The following ZNF680 variants were observed in gnomAD, a reference collection of about 807,000 sequenced individuals.
ZNF680 encodes the protein zinc finger protein 680.
Under a neutral mutation model 12.1 loss-of-function variants are expected in ZNF680, and 6 were observed. The ratio of observed to expected loss-of-function variants is 0.49; its 90% CI spans 0.27 to 0.98. The LOEUF (loss-of-function observed/expected upper bound fraction) is 0.98, where lower values mean the gene tolerates loss of function less well. Among genes scored for constraint, ZNF680 ranks in the 50% least tolerant of loss-of-function variants. ZNF680 has a pLI of 0.12. For synonymous variants in ZNF680, 170 were observed against 199.3 expected, an observed-to-expected ratio of 0.85 and a Z score of 1.24; for missense variants, 561 against 616.3, an observed-to-expected ratio of 0.91 and a Z score of 0.95.
chr7:64,518,634 T>G (rs942017734), downstream of ZNF680, among the ~76,000 whole-genome samples: 1 of 151,766 alleles, frequency 6.6e-6, no homozygotes, highest in East Asian at 1.9e-4. Flanking sequence ...GGTACTGATA[T>G]AAAAATAGGC....
chr7:64,527,433 C>G (rs144898825), intron 3 of ZNF680, among the ~76,000 whole-genome samples: 2 of 152,088 alleles, frequency 1.3e-5, no homozygotes, highest in Admixed American at 6.6e-5. Context: ...CAGTGGCTCA[C>G]GCCTGTAATC....
Position 64,521,465 on chromosome 7 carries a change from CTA to C in ZNF680, c.1287_1288del (p.Asn432TyrfsTer5), listed in dbSNP as rs1248699435. Reference sequence around the variant, plus strand: ...TTCTTCACATTTGTAGGTATTCTCTCTAGTGTGAATTCTCTTATGTCGAGTAA... The same window carrying C: ...TTCTTCACATTTGTAGGTATTCTCTCGTGTGAATTCTCTTATGTCGAGTAA... On this transcript the variant is annotated frameshift_variant, in exon 4 of 4. Coordinates refer to ENST00000309683, the MANE Select transcript of ZNF680 (RefSeq NM_178558.5). LOFTEE classifies it low-confidence loss of function (END_TRUNC). 3 of 1,613,448 alleles carry C rather than the reference CTA, an allele frequency of 1.9e-6. No homozygotes were observed. Among genetic ancestry groups the C allele is most frequent in the Non-Finnish European group, 1.7e-6 (2 of 1,179,708 alleles).
At chr7:64,550,347 G>T (rs1787009984) in intron 1 of ZNF680, among the ~76,000 whole-genome samples, 1 of 152,140 alleles carries the variant, frequency 6.6e-6, no homozygotes, top group South Asian at 2.1e-4. Flanking sequence ...AAAGAAGGAA[G>T]AAAGACATAA....
intron 3 of ZNF680, 134 bp from the exon 4 acceptor site, chr7:64,522,634 TA>T (rs34852861): frequency 0.17 from 82,610 of 488,838 alleles, 861 homozygotes; most frequent in East Asian, 0.42. Flanking sequence ...TCCTAAAAGT[TA>T]AAAAAAAAAA....
Position 64,521,970 on chromosome 7 carries a change from C to CAATATG in ZNF680, c.778_783dup (p.His260_Ile261dup), listed in dbSNP as rs1562734718. The CAATATG allele has an allele frequency of 2.5e-6, 4 of 1,612,342 alleles. No homozygotes were observed. In the Admixed American group the frequency reaches 6.7e-5, roughly 27 times the overall value. On this transcript the variant is annotated inframe_insertion, in exon 4 of 4. Transcript: ENST00000309683. ...TCTTCACATTTGAAGGGTTTCTCTT[C>CAATATG]AATATGAATTTTCTTATGTTTAATA... is the stretch of plus-strand genomic sequence containing the variant.
intron 3 of ZNF680, among the ~76,000 whole-genome samples, chr7:64,543,415 A>G (rs1786611113): frequency 6.6e-6 from 1 of 152,208 alleles, no homozygotes; most frequent in Non-Finnish European, 1.5e-5. Context: ...GTGTGTCCCT[A>G]AAACAATGGA....
intron 3 of ZNF680, among the ~76,000 whole-genome samples, chr7:64,527,552 G>A (rs904039564): frequency 1.5e-4 from 23 of 152,056 alleles, no homozygotes; most frequent in African/African-American, 4.8e-4. Flanking sequence ...AAAATTAGCC[G>A]GGCATGGTGG....
chr7:64,552,795 C>T (rs897790495), intron 1 of ZNF680, among the ~76,000 whole-genome samples: 1 of 152,010 alleles, frequency 6.6e-6, no homozygotes, highest in Non-Finnish European at 1.5e-5. Flanking sequence ...ATGTCGTGGC[C>T]TTATATTTAT....
At chr7:64,507,757 A>C in the ZNF680 span, among the ~76,000 whole-genome samples, 1 of 151,858 alleles carries the variant, frequency 6.6e-6, no homozygotes, top group Non-Finnish European at 1.5e-5. Context: ...CTTAGAAAAA[A>C]GAGAGAAATA....
the ZNF680 span, among the ~76,000 whole-genome samples, chr7:64,500,632 TGGA>T: frequency 1.3e-5 from 2 of 151,642 alleles, no homozygotes; most frequent in Non-Finnish European, 2.9e-5. Context: ...GGGCTGGGAG[TGGA>T]GGAGATGTTG....
intron 1 of ZNF680, among the ~76,000 whole-genome samples, chr7:64,559,723 C>T (rs1445133482): frequency 1.3e-5 from 2 of 152,144 alleles, no homozygotes; most frequent in Admixed American, 1.3e-4. Context: ...CTCAAGTGAT[C>T]CACCCACCTT....
At chr7:64,541,635 C>T (rs1192659485) in intron 3 of ZNF680, among the ~76,000 whole-genome samples, 5 of 150,076 alleles carry the variant, frequency 3.3e-5, no homozygotes, top group African/African-American at 9.8e-5. Context: ...GAAGGCAGGC[C>T]CTCATTCAGG....
intron 3 of ZNF680, among the ~76,000 whole-genome samples, chr7:64,524,150 T>C (rs1176998388): frequency 6.7e-6 from 1 of 150,282 alleles, no homozygotes; most frequent in East Asian, 2.0e-4. Context: ...AAGAAGAATT[T>C]TTTTTTTTTT....
chr7:64,521,502 A>G lies in ZNF680; in HGVS notation c.1252T>C (p.Cys418Arg), dbSNP rs1308175708. 1 of 1,613,312 alleles carries G rather than the reference A, an allele frequency of 6.2e-7. No individual in the cohort carries two copies. The highest frequency in any genetic ancestry group is 8.5e-7 in the Non-Finnish European group (1 of 1,179,716). The change falls in exon 4 of 4, where the codon TGC becomes CGC. Residue 418 changes from cysteine (C) to arginine (R), a missense_variant. Transcript: ENST00000309683. The stretch of plus-strand genomic sequence containing the variant: ...CTCTTATGTCGAGTAAGGCTGGAGC[A>G]CCCATTAAAAGCTTTGCCACATTCT... ...CEECGKAFNG[C>R]SSLTRHKRIH...
intron 1 of ZNF680, among the ~76,000 whole-genome samples, chr7:64,553,752 G>C (rs1024383070): frequency 6.6e-6 from 1 of 151,788 alleles, no homozygotes; most frequent in African/African-American, 2.4e-5. Context: ...CGCCAGACTG[G>C]TTTTCGCATT....
At chr7:64,537,738 T>A (rs891160906) in intron 3 of ZNF680, among the ~76,000 whole-genome samples, 4 of 151,636 alleles carry the variant, frequency 2.6e-5, no homozygotes, top group African/African-American at 9.7e-5. Context: ...CCATCCTGGC[T>A]AACACAGTGA....
At chr7:64,537,745 G>A (rs1166047621) in intron 3 of ZNF680, among the ~76,000 whole-genome samples, 1 of 150,336 alleles carries the variant, frequency 6.7e-6, no homozygotes, top group Non-Finnish European at 1.5e-5. Context: ...GGCTAACACA[G>A]TGAAACCCTG....
At chr7:64,552,589 C>T (rs1163334377) in intron 1 of ZNF680, among the ~76,000 whole-genome samples, 3 of 152,070 alleles carry the variant, frequency 2.0e-5, no homozygotes, top group African/African-American at 7.2e-5. Context: ...AGACTAGTAT[C>T]TACTGTAACA....
chr7:64,537,127 C>T (rs1044198107), intron 3 of ZNF680, among the ~76,000 whole-genome samples: 2 of 152,016 alleles, frequency 1.3e-5, no homozygotes, highest in Non-Finnish European at 2.9e-5. Context: ...TGTTTTCTGA[C>T]AAAAACTTAA....
Sources: gnomAD v4.1 joint callset for allele counts (sites outside exome capture counted in the v4.1 genomes callset) on GRCh38, gnomAD v4.1.1 for gene constraint, MANE v1.5 for transcripts, NCBI Gene and HGNC (gene_info 2026-07-23, HGNC 2026-07-21) for gene names.